Variants in SVBP observed in about 807,000 individuals in gnomAD.
SVBP encodes the protein small vasohibin-binding protein.
In SVBP, 9 loss-of-function variants were observed where a neutral mutation model predicts 9.2. That is an observed-to-expected ratio of 0.98 (90% confidence interval 0.59 to 1.71). The LOEUF (loss-of-function observed/expected upper bound fraction) is 1.71. Ranked by LOEUF, SVBP falls within the 40% of genes most tolerant of loss-of-function variation. The probability of loss-of-function intolerance (pLI) is 0.00; values close to 1 mark genes in which losing one functional copy is unlikely to be tolerated. For missense variants in SVBP, 63 were observed against 73.2 expected, an observed-to-expected ratio of 0.86 and a Z score of 0.51; for synonymous variants, 27 against 23.9, an observed-to-expected ratio of 1.13 and a Z score of -0.37.
At chr1:42,807,615 G>A in intron 2 of SVBP, 115 bp from the exon 3 acceptor site, 1 of 753,762 alleles carries the variant, frequency 1.3e-6, no homozygotes, top group Non-Finnish European at 2.3e-6. Context: ...TAGTGGTAAT[G>A]CAGGGACAGT....
At chr1:42,817,057 A>ACCGCCCGGCCCCCCGACCCCGCCCCGGC in intron 1 of SVBP, 133 bp downstream of exon 1, 2 of 56,464 alleles carry the variant, frequency 3.5e-5, no homozygotes, top group South Asian at 5.7e-4. Context: ...CCCGCCCCCC[A>ACCGCCCGGCCCCCCGACCCCGCCCCGGC]CCGCCCGGCC....
chr1:42,807,465 C>T lies in SVBP; in HGVS notation c.150G>A (p.Glu50=). The change falls in exon 3 of 3, where the codon GAG becomes GAA. Residue 50 remains glutamate (E), a synonymous_variant. Transcript: ENST00000372521. ...TACAGAACTCATCAAACTGCTGCTGCTCCAGTTCTGTCATGACTCTGTTGA... is the reference window on the plus strand; with the variant it reads ...TACAGAACTCATCAAACTGCTGCTGTTCCAGTTCTGTCATGACTCTGTTGA... The part of the protein sequence containing the change: ...YALNRVMTEL[E]QQQFDEFCKQ... 1 of 1,614,040 alleles carries T rather than the reference C, an allele frequency of 6.2e-7. No individual in the cohort carries two copies. Among genetic ancestry groups the T allele is most frequent in the East Asian group, 2.2e-5 (1 of 44,878 alleles).
intron 2 of SVBP, among the ~76,000 whole-genome samples, chr1:42,808,145 G>GTATATA (rs1386047684): frequency 7.9e-5 from 4 of 50,816 alleles, no homozygotes; most frequent in South Asian, 1.6e-3. Context: ...GTGTGTGTGT[G>GTATATA]TGTGTATATA....
chr1:42,816,176 C>A, intron 2 of SVBP: 1 of 411,602 alleles, frequency 2.4e-6, no homozygotes, highest in Non-Finnish European at 4.3e-6. Context: ...ATTTTTTTTC[C>A]TTTCTTCCTT....
At chr1:42,812,400 C>T (rs1483105840) in intron 2 of SVBP, among the ~76,000 whole-genome samples, 2 of 152,154 alleles carry the variant, frequency 1.3e-5, no homozygotes, top group South Asian at 2.1e-4. Flanking sequence ...TTTCTTGTTG[C>T]TCTTAAATGA....
In SVBP at chr1:42,816,538, G is replaced by A; in HGVS notation, c.7C>T (p.Pro3Ser). The change falls in exon 2 of 3, where the codon CCA becomes TCA. Residue 3 changes from proline (P) to serine (S), a missense_variant. Transcript: ENST00000372521. Reference protein sequence around the residue: MDPPARKEKTKVK... With the variant: MDSPARKEKTKVK... The stretch of plus-strand genomic sequence containing the variant: ...TTGGTTTTTTCTTTACGTGCAGGTG[G>A]ATCCATGGCTTGACTTCTGGATATT... 1 of 1,611,484 alleles carries A rather than the reference G, an allele frequency of 6.2e-7. No homozygotes were observed. The highest frequency in any genetic ancestry group is 1.1e-5 in the South Asian group (1 of 91,026).
intron 2 of SVBP, among the ~76,000 whole-genome samples, chr1:42,812,613 A>G (rs562610180): frequency 1.3e-5 from 2 of 152,304 alleles, no homozygotes; most frequent in South Asian, 2.1e-4. Context: ...CAAATTTGCA[A>G]TGTTGTCACA....
chr1:42,807,455 ACTG>A lies in SVBP; in HGVS notation c.157_159del (p.Gln53del). ...TGCATCTGTTTACAGAACTCATCAA[ACTG>A]CTGCTGCTCCAGTTCTGTCATGACT... On this transcript the variant is annotated inframe_deletion, in exon 3 of 3. Coordinates refer to ENST00000372521, the MANE Select transcript of SVBP (RefSeq NM_199342.4). The A allele has an allele frequency of 6.2e-7, 1 of 1,614,014 alleles. No individual in the cohort carries two copies. The highest frequency in any genetic ancestry group is 8.5e-7 in the Non-Finnish European group (1 of 1,179,940).
intron 2 of SVBP, chr1:42,813,337 C>T (rs1217948294): frequency 9.2e-6 from 3 of 327,300 alleles, no homozygotes; most frequent in South Asian, 2.9e-5. Flanking sequence ...TAAATTTTGA[C>T]GTTGGTTCTT....
chr1:42,812,045 T>TAA (rs761597068), intron 2 of SVBP, among the ~76,000 whole-genome samples: 8 of 142,488 alleles, frequency 5.6e-5, no homozygotes, highest in African/African-American at 1.8e-4. Context: ...TCCTTGGATT[T>TAA]AAAAAAAAAA....
intron 2 of SVBP, among the ~76,000 whole-genome samples, chr1:42,808,717 G>A (rs1409073571): frequency 1.3e-5 from 2 of 151,396 alleles, no homozygotes; most frequent in African/African-American, 2.4e-5. Context: ...ATATATTTCA[G>A]ACAGAGTCTT....
chr1:42,813,795 T>C (rs1380374114), intron 2 of SVBP: 1 of 492,734 alleles, frequency 2.0e-6, no homozygotes, highest in Non-Finnish European at 4.1e-6. Flanking sequence ...GGCTGTTTCT[T>C]ATAGCAACCC....
At chr1:42,807,607 G>T in intron 2 of SVBP, 107 bp from the exon 3 acceptor site, 1 of 812,240 alleles carries the variant, frequency 1.2e-6, no homozygotes, top group Non-Finnish European at 2.1e-6. Context: ...TTCACCAGTA[G>T]TGGTAATGCA....
intron 2 of SVBP, among the ~76,000 whole-genome samples, chr1:42,808,507 C>CA (rs1363646178): frequency 3.2e-4 from 46 of 144,812 alleles, no homozygotes; most frequent in African/African-American, 1.0e-3. Flanking sequence ...GGTATACTTG[C>CA]AACCTCTGAC....
intron 2 of SVBP, 139 bp from the exon 3 acceptor site, chr1:42,807,639 G>C (rs988327359): frequency 3.2e-6 from 2 of 633,816 alleles, no homozygotes; most frequent in Non-Finnish European, 5.6e-6. Context: ...CTGGGAATAG[G>C]AAAGTTAGAT....
chr1:42,811,279 T>G (rs1359306423), intron 2 of SVBP, among the ~76,000 whole-genome samples: 4 of 152,204 alleles, frequency 2.6e-5, no homozygotes, highest in Non-Finnish European at 4.4e-5. Context: ...AGGACTCTAC[T>G]CACATCCCTT....
chr1:42,813,196 T>TC (rs1465784221), intron 2 of SVBP, among the ~76,000 whole-genome samples: 1 of 152,230 alleles, frequency 6.6e-6, no homozygotes, highest in Non-Finnish European at 1.5e-5. Context: ...AGGAAAGCTA[T>TC]CCTGTCTGTT....
At chr1:42,815,900 A>G (rs1265533121) in intron 2 of SVBP, among the ~76,000 whole-genome samples, 2 of 152,256 alleles carry the variant, frequency 1.3e-5, no homozygotes, top group East Asian at 3.8e-4. Context: ...AGAGACCAGC[A>G]AGATTTTCCC....
At chr1:42,814,345 G>A (rs1024247138) in intron 2 of SVBP, among the ~76,000 whole-genome samples, 3 of 151,570 alleles carry the variant, frequency 2.0e-5, no homozygotes, top group Non-Finnish European at 4.4e-5. Context: ...CAAAGTGCTG[G>A]GATTACAGGT....
Sources: allele counts gnomAD v4.1 joint callset (sites outside exome capture counted in the v4.1 genomes callset), GRCh38; gene constraint gnomAD v4.1.1; transcripts MANE v1.5; gene names NCBI Gene and HGNC (gene_info 2026-07-23, HGNC 2026-07-21).